IL31RA: variants seen among roughly 807,000 people sequenced by gnomAD.
IL31RA encodes the protein interleukin-31 receptor subunit alpha.
A neutral mutation model predicts 83.7 loss-of-function variants in IL31RA; 66 were observed. The observed-to-expected ratio is 0.79, with a 90% confidence interval of 0.65 to 0.97. The LOEUF (loss-of-function observed/expected upper bound fraction) is 0.97, where lower values mean the gene tolerates loss of function less well. IL31RA is among the 50% of genes least tolerant of loss of function. The pLI is 0.00. For synonymous variants in IL31RA, 325 were observed against 329.0 expected (o/e 0.99, Z 0.13); for missense variants, 798 against 919.4 (o/e 0.87, Z 1.71).
At chr5:55,904,950 CT>C (rs1749052283) in intron 8 of IL31RA, among the ~76,000 whole-genome samples, 1 of 150,964 alleles carries the variant, frequency 6.6e-6, no homozygotes, top group Non-Finnish European at 1.5e-5. Context: ...AATCCCAGCA[CT>C]TTGGGAGACC....
At position 55,901,779 on chromosome 5, in the gene IL31RA, C is replaced by A. The variant is rs189649063; in HGVS notation, c.1069+1647C>A. 3.3e-3 allele frequency among the ~76,000 whole-genome samples: 503 copies of A among 152,024 alleles called. 6 individuals are homozygous for A. Among genetic ancestry groups the A allele is most frequent in the South Asian group, 5.0e-3 (24 of 4,818 alleles). On this transcript the variant is annotated intron_variant, in intron 8 of 14. Coordinates refer to ENST00000652347, the MANE Select transcript of IL31RA (RefSeq NM_139017.7). The stretch of plus-strand genomic sequence containing the variant: ...TACAGGCATGTGCCACCACACCAGG[C>A]TCATTTTGTATTTTTAGTAGCGACG...
intron 1 of IL31RA, among the ~76,000 whole-genome samples, chr5:55,855,041 G>A (rs1024155454): frequency 2.6e-5 from 4 of 152,092 alleles, no homozygotes; most frequent in African/African-American, 9.7e-5. Context: ...GAGAGAGGCT[G>A]AGCAGTGCAT....
intron 3 of IL31RA, among the ~76,000 whole-genome samples, chr5:55,871,128 C>A (rs1336811445): frequency 6.6e-6 from 1 of 152,166 alleles, no homozygotes; most frequent in Non-Finnish European, 1.5e-5. Context: ...AAAACTAAGG[C>A]ACAGAGAGGT....
chr5:55,843,112 T>A, the IL31RA span, among the ~76,000 whole-genome samples: 1 of 152,200 alleles, frequency 6.6e-6, no homozygotes, highest in Non-Finnish European at 1.5e-5. Flanking sequence ...ACTTTACATG[T>A]TTATCTTAGC....
chr5:55,855,186 C>T (rs1459391403), intron 1 of IL31RA, among the ~76,000 whole-genome samples: 1 of 151,948 alleles, frequency 6.6e-6, no homozygotes, highest in Non-Finnish European at 1.5e-5. Flanking sequence ...ACTCTGCTGC[C>T]CAGGCTGGAG....
intron 13 of IL31RA, 85 bp downstream of exon 13, chr5:55,913,655 C>T: frequency 2.4e-6 from 2 of 840,674 alleles, no homozygotes; most frequent in Admixed American, 3.5e-5. Flanking sequence ...TAGGAGAGGG[C>T]ACTCTACCAT....
chr5:55,853,629 C>T (rs1745190545), intron 1 of IL31RA: 1 of 1,525,242 alleles, frequency 6.6e-7, no homozygotes, highest in South Asian at 1.2e-5. Context: ...TTATAAAAGT[C>T]TTTTTCTGTT....
chr5:55,847,436 G>A (rs1744963194), upstream of IL31RA, among the ~76,000 whole-genome samples: 1 of 151,806 alleles, frequency 6.6e-6, no homozygotes, highest in Non-Finnish European at 1.5e-5. Flanking sequence ...ACAAAAATTA[G>A]GTGGGCGTGG....
intron 1 of IL31RA, among the ~76,000 whole-genome samples, chr5:55,852,495 A>G (rs1256233165): frequency 6.6e-6 from 1 of 152,164 alleles, no homozygotes; most frequent in African/African-American, 2.4e-5. Context: ...TCTCATAATT[A>G]TAATCTTCTA....
intron 14 of IL31RA, 52 bp downstream of exon 14, chr5:55,914,980 G>A: frequency 1.5e-6 from 2 of 1,337,356 alleles, no homozygotes; most frequent in South Asian, 1.2e-5. Context: ...AGGTAGACGA[G>A]GTGAATGGAG....
At chr5:55,910,135 A>T (rs1001737829) in intron 11 of IL31RA, among the ~76,000 whole-genome samples, 11 of 152,258 alleles carry the variant, frequency 7.2e-5, no homozygotes, top group Admixed American at 2.6e-4. Context: ...TTTATCAGAT[A>T]TATGATTTGT....
rs184802654 is a variant in IL31RA, at chr5:55,907,389, T to A, written c.1283T>A (p.Ile428Asn). 1.1e-5 allele frequency: 18 copies of A among 1,613,690 alleles called. No homozygotes were observed. The East Asian group carries it at 3.8e-4, about 34-fold the overall frequency. Residue 428 changes from isoleucine to asparagine, a missense_variant, in exon 10 of 15, where the codon ATC (isoleucine) becomes AAC (asparagine). By Grantham distance (149) the Ile-to-Asn change is moderately radical. Transcript: ENST00000652347. ...TTAAAACCTTTCTGGTGCTATAACATCTCTGTGTATCCAATGTTGCATGAC... is the reference window on the plus strand; with the variant it reads ...TTAAAACCTTTCTGGTGCTATAACAACTCTGTGTATCCAATGTTGCATGAC... ...DKLKPFWCYNISVYPMLHDKV... is the reference protein window; with the variant it reads ...DKLKPFWCYNNSVYPMLHDKV...
At chr5:55,864,357 C>A (rs201282215) in intron 2 of IL31RA, among the ~76,000 whole-genome samples, 5 of 131,006 alleles carry the variant, frequency 3.8e-5, no homozygotes, top group Non-Finnish European at 8.2e-5. Flanking sequence ...ACACACACAC[C>A]ACACACACTA....
At position 55,920,783 on chromosome 5, in the gene IL31RA, T is replaced by C. The variant is rs1167028224; in HGVS notation, c.*3663T>C. On this transcript the variant is annotated 3_prime_UTR_variant, in exon 15 of 15. Coordinates refer to ENST00000652347, the MANE Select transcript of IL31RA (RefSeq NM_139017.7). The stretch of plus-strand genomic sequence containing the variant: ...CTTTGAAGGGTGCACACACACTTAC[T>C]GGTTCCCCACCAGCCCTCCTAAATT... Among the ~76,000 whole-genome samples the C allele has an allele frequency of 6.6e-6, 1 of 152,244 alleles. No homozygotes were observed. Among genetic ancestry groups the C allele is most frequent in the African/African-American group, 2.4e-5 (1 of 41,462 alleles).
intron 4 of IL31RA, among the ~76,000 whole-genome samples, chr5:55,873,167 C>A (rs1746639438): frequency 6.6e-6 from 1 of 152,058 alleles, no homozygotes; most frequent in Non-Finnish European, 1.5e-5. Context: ...AATATGTGGT[C>A]TTTTTATCTA....
In IL31RA at chr5:55,917,231, G is replaced by A. The variant is rs1749844556; in HGVS notation, c.*111G>A. The A allele has an allele frequency of 3.8e-6, 6 of 1,594,512 alleles. No individual in the cohort carries two copies. Among genetic ancestry groups the A allele is most frequent in the Non-Finnish European group, 5.1e-6 (6 of 1,176,454 alleles). On this transcript the variant is annotated 3_prime_UTR_variant, in exon 15 of 15. Coordinates refer to ENST00000652347, the MANE Select transcript of IL31RA (RefSeq NM_139017.7). Reference sequence around the variant, plus strand: ...CTTGGCCCTGCCACATCCTGCCTAGGTTAAAGTTTCCCCTGCCCCTTGAGC... The same window carrying A: ...CTTGGCCCTGCCACATCCTGCCTAGATTAAAGTTTCCCCTGCCCCTTGAGC...
rs1479647829 is a variant in IL31RA, at chr5:55,921,761, G to T, written c.*4641G>T. On this transcript the variant is annotated 3_prime_UTR_variant, in exon 15 of 15. Coordinates refer to ENST00000652347, the MANE Select transcript of IL31RA (RefSeq NM_139017.7). Reference sequence around the variant, plus strand: ...GCCAAACTTTTCTTTTTTTATTGTTGCCATGTCCCTGTGTTGACATTACAG... The same window carrying T: ...GCCAAACTTTTCTTTTTTTATTGTTTCCATGTCCCTGTGTTGACATTACAG... Among the ~76,000 whole-genome samples, 2 of 151,962 alleles carry T rather than the reference G, an allele frequency of 1.3e-5. No individual in the cohort carries two copies. Among genetic ancestry groups the T allele is most frequent in the African/African-American group, 4.8e-5 (2 of 41,358 alleles).
At chr5:55,891,411 GT>G (rs562631829) in intron 6 of IL31RA, among the ~76,000 whole-genome samples, 1 of 152,196 alleles carries the variant, frequency 6.6e-6, no homozygotes, top group Non-Finnish European at 1.5e-5. Flanking sequence ...TCCAAAATCA[GT>G]TTCACTGGGC....
intron 2 of IL31RA, among the ~76,000 whole-genome samples, chr5:55,863,418 T>G (rs896753145): frequency 1.3e-5 from 2 of 152,222 alleles, no homozygotes; most frequent in Non-Finnish European, 2.9e-5. Context: ...AAGCAGGGGC[T>G]CAGGCTGGTG....
Sources: gnomAD v4.1 joint callset for allele counts (sites outside exome capture counted in the v4.1 genomes callset) on GRCh38, gnomAD v4.1.1 for gene constraint, MANE v1.5 for transcripts, NCBI Gene and HGNC (gene_info 2026-07-23, HGNC 2026-07-21) for gene names.